AUTS2: variants seen among roughly 807,000 people sequenced by gnomAD.
AUTS2 encodes activator of transcription and developmental regulator AUTS2.
Under a neutral mutation model 112.4 loss-of-function variants are expected in AUTS2, and 17 were observed. The ratio of observed to expected loss-of-function variants is 0.15; its 90% CI spans 0.10 to 0.23. AUTS2 has a LOEUF of 0.23. Ranked by LOEUF, AUTS2 falls within the 10% of genes least tolerant of loss-of-function variation. The probability of loss-of-function intolerance (pLI) is 1.00; values close to 1 mark genes in which losing one functional copy is unlikely to be tolerated. For missense variants in AUTS2, 1,510 were observed against 1,701.6 expected, an observed-to-expected ratio of 0.89 and a Z score of 1.98; for synonymous variants, 751 against 702.7, an observed-to-expected ratio of 1.07 and a Z score of -1.09.
intron 5 of AUTS2, 40 bp from the exon 6 acceptor site, chr7:70,698,529 T>G (rs188901626): frequency 1.9e-6 from 3 of 1,541,954 alleles, no homozygotes; most frequent in Admixed American, 3.5e-5. Context: ...ACAATATTAA[T>G]GACAATAATA....
chr7:69,847,215 TAA>T (rs1474456253), intron 1 of AUTS2, among the ~76,000 whole-genome samples: 1 of 152,352 alleles, frequency 6.6e-6, no homozygotes, highest in Middle Eastern at 3.4e-3. Flanking sequence ...AGCCGTAGAA[TAA>T]GAGTTTCTTT....
chr7:70,333,271 C>T (rs1487900710), intron 4 of AUTS2, among the ~76,000 whole-genome samples: 1 of 152,172 alleles, frequency 6.6e-6, no homozygotes, highest in African/African-American at 2.4e-5. Flanking sequence ...GATTTCATGC[C>T]ATTTAGAATG....
intron 1 of AUTS2, among the ~76,000 whole-genome samples, chr7:69,649,577 CAA>C (rs1324398024): frequency 2.6e-5 from 4 of 152,078 alleles, no homozygotes; most frequent in South Asian, 2.1e-4. Context: ...GTGGCCAACT[CAA>C]AGACTTACAA....
At chr7:70,582,212 A>T (rs1162386925) in intron 5 of AUTS2, among the ~76,000 whole-genome samples, 1 of 143,202 alleles carries the variant, frequency 7.0e-6, no homozygotes. Context: ...CATTAAAAGA[A>T]CGCAGTGTGG....
At chr7:70,652,209 T>C (rs1202857942) in intron 5 of AUTS2, among the ~76,000 whole-genome samples, 3 of 152,180 alleles carry the variant, frequency 2.0e-5, no homozygotes, top group African/African-American at 7.2e-5. Context: ...ACCTTCATTT[T>C]GAGATGAATA....
chr7:70,571,257 G>A (rs1801926224), intron 5 of AUTS2, among the ~76,000 whole-genome samples: 1 of 152,144 alleles, frequency 6.6e-6, no homozygotes. Context: ...TTCTCTCTGT[G>A]ACTTGATTTT....
chr7:70,303,170 C>A (rs1349835126), intron 4 of AUTS2, among the ~76,000 whole-genome samples: 1 of 152,052 alleles, frequency 6.6e-6, no homozygotes, highest in Non-Finnish European at 1.5e-5. Flanking sequence ...TGTGCCTTGG[C>A]ATTGCCATAT....
At chr7:69,800,362 G>A (rs1298066012) in intron 1 of AUTS2, among the ~76,000 whole-genome samples, 1 of 152,176 alleles carries the variant, frequency 6.6e-6, no homozygotes, top group Admixed American at 6.5e-5. Context: ...CAGGGGAAGC[G>A]GTTGAGCTGG....
chr7:70,618,716 G>A (rs1176854075), intron 5 of AUTS2, among the ~76,000 whole-genome samples: 2 of 40,294 alleles, frequency 5.0e-5, no homozygotes, highest in Admixed American at 2.5e-4. Flanking sequence ...TTTGGCAGGG[G>A]ACAGACAGAG....
At chr7:69,922,967 T>C (rs1457540239) in intron 2 of AUTS2, among the ~76,000 whole-genome samples, 3 of 152,204 alleles carry the variant, frequency 2.0e-5, no homozygotes, top group Non-Finnish European at 4.4e-5. Flanking sequence ...TTTTAAAGAA[T>C]AAATTAACAT....
chr7:69,769,752 A>T (rs927671194), intron 1 of AUTS2, among the ~76,000 whole-genome samples: 1 of 152,238 alleles, frequency 6.6e-6, no homozygotes, highest in Non-Finnish European at 1.5e-5. Context: ...ATTATTGAGA[A>T]TAAACAAGGG....
intron 2 of AUTS2, among the ~76,000 whole-genome samples, chr7:70,044,910 T>C (rs1801432289): frequency 6.6e-6 from 1 of 151,338 alleles, no homozygotes. Flanking sequence ...CCGGAGCATG[T>C]TTTTAAAGAA....
rs771069638 is a variant in AUTS2 at position 69,650,288 on chromosome 7, CTCTT to C, written c.309+50330_309+50333del. On this transcript the variant is annotated intron_variant, in intron 1 of 18. Transcript: ENST00000342771. Reference sequence around the variant, plus strand: ...TTGCTGAGGGAGGGCCTTCTTTGTACTCTTTCTATCAATAAGAAATAATAAAGAG... The same window carrying C: ...TTGCTGAGGGAGGGCCTTCTTTGTACTCTATCAATAAGAAATAATAAAGAG... Among the ~76,000 whole-genome samples the C allele has an allele frequency of 8.5e-5, 13 of 152,250 alleles. No individual in the cohort carries two copies. In the South Asian group the frequency reaches 2.7e-3, roughly 32 times the overall value.
Position 70,471,364 on chromosome 7 carries a change from C to T in AUTS2, c.690+35583C>T, listed in dbSNP as rs113333478. Among the ~76,000 whole-genome samples, 372 of 151,940 alleles carry T rather than the reference C, an allele frequency of 2.4e-3. 17 individuals are homozygous for T. The East Asian group carries it at 0.065, about 27-fold the overall frequency. ...AAGGGAAGGAGGGGGAAATATGGCT[C>T]GAATCAAATTAAGGACTTGGTTTTC... On this transcript the variant is annotated intron_variant, in intron 5 of 18. Transcript: ENST00000342771.
intron 5 of AUTS2, among the ~76,000 whole-genome samples, chr7:70,650,706 C>T (rs148156505): frequency 6.6e-6 from 1 of 152,320 alleles, no homozygotes; most frequent in East Asian, 1.9e-4. Context: ...GAAGTACATA[C>T]ATTTACCTCT....
chr7:69,628,974 C>A (rs1407292455), intron 1 of AUTS2, among the ~76,000 whole-genome samples: 1 of 152,180 alleles, frequency 6.6e-6, no homozygotes, highest in African/African-American at 2.4e-5. Flanking sequence ...TTTGCGTAAA[C>A]CATTTCATTT....
intron 1 of AUTS2, among the ~76,000 whole-genome samples, chr7:69,702,429 T>G (rs938000090): frequency 1.3e-5 from 2 of 152,156 alleles, no homozygotes; most frequent in Non-Finnish European, 2.9e-5. Context: ...CTGTGAAAGG[T>G]ACATACTTAG....
chr7:70,661,013 T>A (rs1230924284), intron 5 of AUTS2, among the ~76,000 whole-genome samples: 1 of 152,098 alleles, frequency 6.6e-6, no homozygotes, highest in Non-Finnish European at 1.5e-5. Flanking sequence ...CACCCTGCAA[T>A]TACCTTCTTT....
At chr7:70,653,038 T>G (rs1202849440) in intron 5 of AUTS2, among the ~76,000 whole-genome samples, 1 of 152,056 alleles carries the variant, frequency 6.6e-6, no homozygotes, top group African/African-American at 2.4e-5. Context: ...GAGGATCACT[T>G]GAGCCCAGGA....
Sources: allele counts gnomAD v4.1 joint callset (sites outside exome capture counted in the v4.1 genomes callset), GRCh38; gene constraint gnomAD v4.1.1; transcripts MANE v1.5; gene names NCBI Gene and HGNC (gene_info 2026-07-23, HGNC 2026-07-21).